GBE1: variants seen among roughly 807,000 people sequenced by gnomAD.
GBE1 encodes the protein 1,4-alpha-glucan-branching enzyme.
A neutral mutation model predicts 88.8 loss-of-function variants in GBE1; 70 were observed. That is an observed-to-expected ratio of 0.79 (90% CI 0.65 to 0.96). The LOEUF is 0.96. Ranked by LOEUF, GBE1 falls within the 40% of genes least tolerant of loss-of-function variation. The pLI is 0.00. For synonymous variants in GBE1, 284 were observed against 300.1 expected, an observed-to-expected ratio of 0.95 and a Z score of 0.56; for missense variants, 872 against 871.0, an observed-to-expected ratio of 1.00 and a Z score of -0.01.
intron 2 of GBE1, among the ~76,000 whole-genome samples, chr3:81,694,466 C>T (rs1387514695): frequency 1.3e-5 from 2 of 152,108 alleles, no homozygotes; most frequent in Non-Finnish European, 1.5e-5. Context: ...CTCTAGATTG[C>T]AAGAGTGGGC....
chr3:81,492,362 T>C (rs1202480251), intron 15 of GBE1, among the ~76,000 whole-genome samples: 1 of 152,056 alleles, frequency 6.6e-6, no homozygotes, highest in Non-Finnish European at 1.5e-5. Flanking sequence ...AAGCTGGAGT[T>C]ATCCACGAAT....
intron 7 of GBE1, among the ~76,000 whole-genome samples, chr3:81,627,746 CATATAT>C (rs59598450): frequency 5.5e-5 from 7 of 127,136 alleles, no homozygotes; most frequent in East Asian, 1.1e-3. Context: ...ATATATTTTA[CATATAT>C]ATATATATAT....
At chr3:81,521,108 A>G (rs1257818804) in intron 14 of GBE1, among the ~76,000 whole-genome samples, 2 of 151,516 alleles carry the variant, frequency 1.3e-5, no homozygotes, top group Non-Finnish European at 3.0e-5. Flanking sequence ...GTCACCATCT[A>G]TTCTCCACAG....
At chr3:81,517,781 CTATT>C (rs1166590051) in intron 14 of GBE1, among the ~76,000 whole-genome samples, 5 of 151,324 alleles carry the variant, frequency 3.3e-5, no homozygotes, top group African/African-American at 1.2e-4. Flanking sequence ...CATTTTAGTA[CTATT>C]TGTCTTTTAA....
At chr3:81,616,561 A>G (rs982739036) in intron 7 of GBE1, among the ~76,000 whole-genome samples, 3 of 152,076 alleles carry the variant, frequency 2.0e-5, no homozygotes, top group African/African-American at 4.8e-5. Flanking sequence ...CAATATGTCT[A>G]TCCCTCCACT....
intron 12 of GBE1, among the ~76,000 whole-genome samples, chr3:81,574,608 T>C (rs940399258): frequency 6.6e-6 from 1 of 152,180 alleles, no homozygotes; most frequent in East Asian, 1.9e-4. Flanking sequence ...AGAGTAATTT[T>C]CATTACAATT....
intron 12 of GBE1, among the ~76,000 whole-genome samples, chr3:81,546,409 C>T (rs1358365588): frequency 2.0e-5 from 3 of 152,146 alleles, no homozygotes; most frequent in African/African-American, 7.2e-5. Flanking sequence ...ACAGCAACTC[C>T]ATCTTGAAGA....
intron 14 of GBE1, among the ~76,000 whole-genome samples, chr3:81,510,405 A>G (rs1323338933): frequency 6.6e-6 from 1 of 152,110 alleles, no homozygotes; most frequent in Non-Finnish European, 1.5e-5. Flanking sequence ...ATAGAAAATC[A>G]CAGTACAGGT....
intron 14 of GBE1, 73 bp downstream of exon 14, chr3:81,535,122 T>C (rs1194055836): frequency 2.3e-6 from 3 of 1,302,278 alleles, no homozygotes; most frequent in Non-Finnish European, 3.1e-6. Flanking sequence ...TTAGTCTTTT[T>C]TTTTTTTTTG....
At chr3:81,737,280 C>G (rs954566038) in intron 1 of GBE1, among the ~76,000 whole-genome samples, 3 of 137,170 alleles carry the variant, frequency 2.2e-5, no homozygotes, top group Admixed American at 7.6e-5. Context: ...TATTCATGTA[C>G]TTCAAAATAA....
At chr3:81,507,647 CT>C (rs1702671929) in intron 14 of GBE1, among the ~76,000 whole-genome samples, 1 of 150,968 alleles carries the variant, frequency 6.6e-6, no homozygotes, top group Non-Finnish European at 1.5e-5. Flanking sequence ...CCAAATGCAA[CT>C]TTTTTCTTTA....
chr3:81,698,693 A>T (rs1037354541), intron 2 of GBE1, among the ~76,000 whole-genome samples: 6 of 152,202 alleles, frequency 3.9e-5, no homozygotes, highest in African/African-American at 1.2e-4. Flanking sequence ...AAACTGACAC[A>T]CAGTATAACT....
intron 7 of GBE1, among the ~76,000 whole-genome samples, chr3:81,634,028 C>G (rs906100634): frequency 6.6e-6 from 1 of 152,174 alleles, no homozygotes; most frequent in Non-Finnish European, 1.5e-5. Context: ...ACATTCTCAA[C>G]ACGAAAGCAA....
chr3:81,745,008 A>C (rs1035178796), intron 1 of GBE1, among the ~76,000 whole-genome samples: 6 of 152,162 alleles, frequency 3.9e-5, no homozygotes, highest in Non-Finnish European at 8.8e-5. Flanking sequence ...TCTGTATTAC[A>C]CTGAACTTTG....
intron 1 of GBE1, among the ~76,000 whole-genome samples, chr3:81,754,854 A>T (rs1324158779): frequency 6.6e-6 from 1 of 152,190 alleles, no homozygotes; most frequent in Admixed American, 6.5e-5. Context: ...TTAGTCTAAG[A>T]CCTGAAACTA....
chr3:81,696,726 A>G (rs1339933026), intron 2 of GBE1, among the ~76,000 whole-genome samples: 1 of 152,234 alleles, frequency 6.6e-6, no homozygotes, highest in African/African-American at 2.4e-5. Flanking sequence ...CAAGTGGAAT[A>G]CCAAAACTGA....
intron 2 of GBE1, among the ~76,000 whole-genome samples, chr3:81,688,143 G>C (rs1450916664): frequency 6.6e-6 from 1 of 152,198 alleles, no homozygotes; most frequent in Non-Finnish European, 1.5e-5. Flanking sequence ...TATGGAAATA[G>C]TGTGCTACTC....
intron 7 of GBE1, among the ~76,000 whole-genome samples, chr3:81,629,494 A>C (rs1014978491): frequency 6.6e-6 from 1 of 152,054 alleles, no homozygotes; most frequent in Non-Finnish European, 1.5e-5. Flanking sequence ...GTTTATTGCT[A>C]CTAAAAGGGT....
Position 81,743,685 on chromosome 3 carries a change from G to C in GBE1, c.143+17690C>G. The C allele has an allele frequency of 2.7e-6, 3 of 1,113,694 alleles. No individual in the cohort carries two copies. The East Asian group carries it at 8.4e-5, about 31-fold the overall frequency. The allele number at this position is 1,113,694 out of a possible 1,614,324, so 69.0% of individuals were successfully genotyped here. ...AGCAGACAGCAGTCACCTGATCTCAGTCATTTTATCAAGAAAGACCAGATT... is the reference window on the plus strand; with the variant it reads ...AGCAGACAGCAGTCACCTGATCTCACTCATTTTATCAAGAAAGACCAGATT... On this transcript the variant is annotated intron_variant, in intron 1 of 15. Coordinates refer to ENST00000429644, the MANE Select transcript of GBE1 (RefSeq NM_000158.4).
Sources: gnomAD v4.1 joint callset for allele counts (sites outside exome capture counted in the v4.1 genomes callset) on GRCh38, gnomAD v4.1.1 for gene constraint, MANE v1.5 for transcripts, NCBI Gene and HGNC (gene_info 2026-07-23, HGNC 2026-07-21) for gene names.